The following TPRG1 variants were observed in gnomAD, a reference collection of about 807,000 sequenced individuals.
The protein encoded by TPRG1 is tumor protein p63-regulated gene 1 protein.
In TPRG1, 29 loss-of-function variants were observed where a neutral mutation model predicts 29.3. That is an observed-to-expected ratio of 0.99 (90% confidence interval 0.74 to 1.35). The LOEUF is 1.35. Ranked by LOEUF, TPRG1 falls within the 40% of genes most tolerant of loss-of-function variation. The pLI is 0.00. For missense variants in TPRG1, 327 were observed against 335.0 expected (o/e 0.98, Z 0.19); for synonymous variants, 130 against 116.8 (o/e 1.11, Z -0.73).
intron 1 of TPRG1, among the ~76,000 whole-genome samples, chr3:189,124,276 C>A (rs1248537999): frequency 6.6e-6 from 1 of 151,838 alleles, no homozygotes; most frequent in Non-Finnish European, 1.5e-5. Flanking sequence ...TTCCTTGTGG[C>A]AATAAAACAT....
intron 3 of TPRG1, among the ~76,000 whole-genome samples, chr3:189,227,921 C>T (rs763504085): frequency 3.2e-4 from 49 of 152,000 alleles, no homozygotes; most frequent in Non-Finnish European, 5.6e-4. Context: ...CAGGAGTTCG[C>T]GACCAGCCTG....
chr3:189,256,648 C>A (rs912372758), intron 4 of TPRG1, among the ~76,000 whole-genome samples: 47 of 151,976 alleles, frequency 3.1e-4, no homozygotes, highest in Admixed American at 2.5e-3. Flanking sequence ...CTAAGTCTCT[C>A]TGTAGGTCTC....
chr3:189,092,331 G>A (rs192420696), intron 4 of TPRG1, among the ~76,000 whole-genome samples: 17 of 152,118 alleles, frequency 1.1e-4, no homozygotes, highest in Non-Finnish European at 2.2e-4. Context: ...TGATGGTGAT[G>A]TTGCTGGTCT....
chr3:189,192,117 C>A (rs529292254), intron 1 of TPRG1, among the ~76,000 whole-genome samples: 15 of 152,288 alleles, frequency 9.8e-5, no homozygotes, highest in African/African-American at 3.4e-4. Flanking sequence ...GACAGAAGAT[C>A]ATGATGCCTG....
At chr3:189,048,192 AG>A (rs1246253058) in intron 4 of TPRG1, among the ~76,000 whole-genome samples, 2 of 152,272 alleles carry the variant, frequency 1.3e-5, no homozygotes, top group East Asian at 3.8e-4. Flanking sequence ...ATATGTTAAC[AG>A]GCATGAAAAC....
At chr3:189,027,183 A>G (rs1442976858) in intron 4 of TPRG1, among the ~76,000 whole-genome samples, 2 of 152,166 alleles carry the variant, frequency 1.3e-5, no homozygotes, top group African/African-American at 2.4e-5. Flanking sequence ...TTAAAATAAG[A>G]GTTTTTCAGT....
At chr3:189,091,067 C>T (rs1393491723) in intron 4 of TPRG1, among the ~76,000 whole-genome samples, 1 of 152,052 alleles carries the variant, frequency 6.6e-6, no homozygotes, top group Non-Finnish European at 1.5e-5. Flanking sequence ...TATAATTATG[C>T]TCAATTCATT....
At chr3:189,019,840 C>G (rs1312042759) in intron 3 of TPRG1, among the ~76,000 whole-genome samples, 3 of 149,644 alleles carry the variant, frequency 2.0e-5, no homozygotes, top group African/African-American at 7.4e-5. Flanking sequence ...TGGTAGAATT[C>G]GGCTGTGAAT....
chr3:189,284,758 C>T (rs1717764299), intron 4 of TPRG1, among the ~76,000 whole-genome samples: 1 of 152,148 alleles, frequency 6.6e-6, no homozygotes, highest in East Asian at 1.9e-4. Context: ...GAAACTGGAT[C>T]CCTTCCTTAC....
At chr3:189,315,279 TG>T (rs1194761821) in intron 5 of TPRG1, among the ~76,000 whole-genome samples, 59 of 53,812 alleles carry the variant, frequency 1.1e-3, no homozygotes, top group Admixed American at 2.1e-3. Flanking sequence ...CTGAAAGAAT[TG>T]TGTGTGTGTG....
chr3:189,278,896 C>G (rs1576938567), intron 4 of TPRG1, among the ~76,000 whole-genome samples: 1 of 152,282 alleles, frequency 6.6e-6, no homozygotes, highest in South Asian at 2.1e-4. Flanking sequence ...TATGCCATTT[C>G]CAGTCCCAAG....
intron 3 of TPRG1, among the ~76,000 whole-genome samples, chr3:189,013,403 T>C (rs1712708823): frequency 6.6e-6 from 1 of 152,192 alleles, no homozygotes; most frequent in Non-Finnish European, 1.5e-5. Context: ...ATGATTTCAG[T>C]TCTTTTGCAT....
intron 4 of TPRG1, among the ~76,000 whole-genome samples, chr3:189,257,909 A>G (rs1361300510): frequency 3.3e-5 from 5 of 152,158 alleles, no homozygotes; most frequent in Admixed American, 2.0e-4. Context: ...GTAGCCTTTT[A>G]TCAAGGTTCT....
At chr3:189,036,966 C>T (rs768481424) in intron 4 of TPRG1, among the ~76,000 whole-genome samples, 9 of 150,498 alleles carry the variant, frequency 6.0e-5, no homozygotes, top group Admixed American at 1.3e-4. Flanking sequence ...CAAAAAAGTC[C>T]CCATTCTTAC....
At chr3:189,260,846 A>G (rs1712882823) in intron 4 of TPRG1, among the ~76,000 whole-genome samples, 1 of 152,090 alleles carries the variant, frequency 6.6e-6, no homozygotes, top group African/African-American at 2.4e-5. Flanking sequence ...CGCAGACATC[A>G]TTCTATTATC....
In TPRG1 at chr3:189,145,631, G is replaced by A. The variant is rs531977881; in HGVS notation, c.-290-1953G>A. ...TGAAAAAGAAGTGTGTCAACAGCTA[G>A]TATCATGCTTGGCACACATTTTCAA... On this transcript the variant is annotated intron_variant, in intron 3 of 6. Transcript: ENST00000412373. Among the ~76,000 whole-genome samples the A allele has an allele frequency of 5.9e-5, 9 of 152,264 alleles. No individual in the cohort carries two copies. In the South Asian group the frequency reaches 1.7e-3, roughly 28 times the overall value.
chr3:189,054,284 G>A (rs1336864649), intron 4 of TPRG1, among the ~76,000 whole-genome samples: 1 of 152,026 alleles, frequency 6.6e-6, no homozygotes, highest in Non-Finnish European at 1.5e-5. Context: ...ATACACATTT[G>A]TCAATGAAAT....
At chr3:189,141,361 C>CCATTCATTCATT (rs3065345) in intron 3 of TPRG1, among the ~76,000 whole-genome samples, 3 of 151,298 alleles carry the variant, frequency 2.0e-5, no homozygotes, top group Admixed American at 2.0e-4. Flanking sequence ...GACATTCTAG[C>CCATTCATTCATT]CATTCATTCA....
At chr3:189,150,222 G>T (rs1170097924) in intron 4 of TPRG1, among the ~76,000 whole-genome samples, 1 of 152,098 alleles carries the variant, frequency 6.6e-6, no homozygotes, top group Non-Finnish European at 1.5e-5. Context: ...TCACTCTGTC[G>T]CCCAACCTGG....
Sources: allele counts gnomAD v4.1 joint callset (sites outside exome capture counted in the v4.1 genomes callset), GRCh38; gene constraint gnomAD v4.1.1; transcripts MANE v1.5; gene names NCBI Gene and HGNC (gene_info 2026-07-23, HGNC 2026-07-21).